Variants in PDIA5 observed in about 807,000 individuals in gnomAD.
PDIA5 encodes protein disulfide isomerase family A member 5, also known as protein disulfide-isomerase A5.
PDIA5 carries 58 observed loss-of-function variants against 77.6 expected under a neutral mutation model. The ratio of observed to expected loss-of-function variants is 0.75; its 90% confidence interval spans 0.61 to 0.93. The LOEUF is 0.93. PDIA5 is among the 40% of genes least tolerant of loss of function. PDIA5 has a pLI of 0.00. For missense variants in PDIA5, 630 were observed against 647.7 expected, an observed-to-expected ratio of 0.97 and a Z score of 0.30; for synonymous variants, 250 against 252.1, an observed-to-expected ratio of 0.99 and a Z score of 0.08.
In PDIA5 at chr3:123,152,360, C is replaced by T. The variant is rs1935934161; in HGVS notation, c.1273+1996C>T. Among the ~76,000 whole-genome samples the T allele has an allele frequency of 2.0e-5, 3 of 152,164 alleles. No individual in the cohort carries two copies. The South Asian group carries it at 6.2e-4, about 31-fold the overall frequency. On this transcript the variant is annotated intron_variant, in intron 14 of 16. Transcript: ENST00000316218. ...GGGCAGGGTCACTGAGTGACTCAAC[C>T]TCTGGCAGAGGGCTTGGTCCTTAGA...
At chr3:123,159,623 A>AT (rs1003367928) in intron 15 of PDIA5, among the ~76,000 whole-genome samples, 45 of 152,050 alleles carry the variant, frequency 3.0e-4, no homozygotes, top group African/African-American at 9.9e-4. Flanking sequence ...ATTCAGATTT[A>AT]TTTTTTTTGT....
chr3:123,142,942 CT>C (rs1474844412), intron 11 of PDIA5, among the ~76,000 whole-genome samples: 1 of 152,196 alleles, frequency 6.6e-6, no homozygotes, highest in Non-Finnish European at 1.5e-5. Context: ...TCTCAAGCCC[CT>C]GGTCAACCCA....
rs773165791 is a variant in PDIA5, at chr3:123,155,001, A to G, written c.1304A>G (p.His435Arg). The G allele has an allele frequency of 5.6e-6, 9 of 1,612,756 alleles. No homozygotes were observed. The East Asian group carries it at 2.0e-4, about 36-fold the overall frequency. The stretch of plus-strand genomic sequence containing the variant: ...CCACACTGTAAGAAGGTCATTCCGC[A>G]CTTTACTGCTACTGCTGATGCCTTC... The part of the protein sequence containing the change: ...WCPHCKKVIP[H>R]FTATADAFKD... The change falls in exon 15 of 17, where the codon CAC becomes CGC. Residue 435 changes from histidine (H) to arginine (R), a missense_variant. Coordinates refer to ENST00000316218, the MANE Select transcript of PDIA5 (RefSeq NM_006810.4).
At chr3:123,119,809 T>G (rs1354120695) in intron 8 of PDIA5, among the ~76,000 whole-genome samples, 1 of 152,246 alleles carries the variant, frequency 6.6e-6, no homozygotes, top group Non-Finnish European at 1.5e-5. Context: ...TCTTCATCTC[T>G]GTCATCTTTG....
intron 11 of PDIA5, among the ~76,000 whole-genome samples, chr3:123,135,836 A>G (rs573259015): frequency 1.4e-5 from 2 of 142,234 alleles, no homozygotes; most frequent in Admixed American, 1.5e-4. Context: ...TTATTTTTTA[A>G]AAGAGGATAC....
chr3:123,128,198 A>T (rs1455866154), intron 10 of PDIA5, among the ~76,000 whole-genome samples: 1 of 152,232 alleles, frequency 6.6e-6, no homozygotes, highest in Non-Finnish European at 1.5e-5. Flanking sequence ...CTCTGCTTCA[A>T]GGAGTGGGCC....
intron 3 of PDIA5, among the ~76,000 whole-genome samples, chr3:123,098,521 G>C (rs1489039518): frequency 2.0e-5 from 3 of 152,172 alleles, no homozygotes; most frequent in African/African-American, 7.2e-5. Flanking sequence ...CTGTCCCATG[G>C]CAGATTCAGA....
intron 15 of PDIA5, among the ~76,000 whole-genome samples, chr3:123,155,687 G>A (rs1312296769): frequency 2.6e-5 from 4 of 152,182 alleles, no homozygotes; most frequent in Admixed American, 6.5e-5. Context: ...CATGCCAGGC[G>A]GAGCACTGGT....
intron 11 of PDIA5, among the ~76,000 whole-genome samples, chr3:123,141,967 C>A (rs3804758): frequency 0.028 from 4,232 of 152,288 alleles, 126 homozygotes; most frequent in East Asian, 0.18. Flanking sequence ...GGCTCCTAAC[C>A]CCAGTTCTGT....
chr3:123,111,155 C>T (rs1409684574), intron 7 of PDIA5, 151 bp downstream of exon 7: 3 of 666,612 alleles, frequency 4.5e-6, no homozygotes, highest in Non-Finnish European at 8.1e-6. Context: ...GCCTCTTTTC[C>T]TTCATCTTTG....
At chr3:123,104,087 T>C (rs1025158788) in intron 5 of PDIA5, among the ~76,000 whole-genome samples, 4 of 152,158 alleles carry the variant, frequency 2.6e-5, no homozygotes, top group African/African-American at 9.7e-5. Context: ...CCACTGGGTG[T>C]CTGGGTGGGA....
intron 7 of PDIA5, among the ~76,000 whole-genome samples, chr3:123,115,308 T>C (rs563794367): frequency 4.5e-4 from 68 of 152,322 alleles, no homozygotes; most frequent in African/African-American, 1.6e-3. Context: ...TGGTCTGCTC[T>C]GGTTTAAGGG....
intron 11 of PDIA5, among the ~76,000 whole-genome samples, chr3:123,135,387 T>C (rs1935474981): frequency 2.0e-5 from 3 of 152,110 alleles, no homozygotes; most frequent in Admixed American, 2.0e-4. Context: ...GACCCCCTGC[T>C]CTTCCTCTCC....
At position 123,134,709 on chromosome 3, in the gene PDIA5, A is replaced by G. The variant is rs527707704; in HGVS notation, c.910+4093A>G. On this transcript the variant is annotated intron_variant, in intron 11 of 16. Transcript: ENST00000316218. Reference sequence around the variant, plus strand: ...CAACTGATGCCTAAGTTGTCACTAAATAAATGAGCCCAGGGCAGCCACGGT... The same window carrying G: ...CAACTGATGCCTAAGTTGTCACTAAGTAAATGAGCCCAGGGCAGCCACGGT... Among the ~76,000 whole-genome samples, 24 of 152,274 alleles carry G rather than the reference A, an allele frequency of 1.6e-4. 1 individual carries two copies. The highest frequency in any genetic ancestry group is 3.4e-4 in the Non-Finnish European group (23 of 68,024).
intron 1 of PDIA5, among the ~76,000 whole-genome samples, chr3:123,088,006 G>A (rs572738564): frequency 6.6e-6 from 1 of 152,334 alleles, no homozygotes; most frequent in African/African-American, 2.4e-5. Flanking sequence ...GGGGCTGGGA[G>A]CTTGGAGGAA....
chr3:123,137,572 C>G (rs766534136), intron 11 of PDIA5, among the ~76,000 whole-genome samples: 6 of 152,102 alleles, frequency 3.9e-5, no homozygotes, highest in African/African-American at 1.4e-4. Flanking sequence ...ATGGATCAGG[C>G]GTTGTTCTAG....
chr3:123,109,743 A>T (rs902402886), intron 6 of PDIA5, among the ~76,000 whole-genome samples: 1 of 151,916 alleles, frequency 6.6e-6, no homozygotes, highest in Non-Finnish European at 1.5e-5. Context: ...GCCTGCTGAT[A>T]TTTTTGTAGT....
intron 8 of PDIA5, among the ~76,000 whole-genome samples, chr3:123,120,854 C>T (rs1048816705): frequency 2.0e-5 from 3 of 152,092 alleles, no homozygotes. Context: ...CCTCATGCAC[C>T]CTTCATCCTC....
Position 123,155,360 on chromosome 3 carries a change from T to C in PDIA5, c.1344+319T>C, listed in dbSNP as rs140779881. On this transcript the variant is annotated intron_variant, in intron 15 of 16. Transcript: ENST00000316218. ...TGTCATCATGCATTACTTATATAATTAAAAATACAAATTTAAAAATCCAAC... is the reference window on the plus strand; with the variant it reads ...TGTCATCATGCATTACTTATATAATCAAAAATACAAATTTAAAAATCCAAC... Among the ~76,000 whole-genome samples the C allele has an allele frequency of 3.5e-3, 530 of 152,286 alleles. 3 individuals carry two copies. The highest frequency in any genetic ancestry group is 5.2e-3 in the Non-Finnish European group (351 of 68,024).
Sources: gnomAD v4.1 joint callset for allele counts (sites outside exome capture counted in the v4.1 genomes callset) on GRCh38, gnomAD v4.1.1 for gene constraint, MANE v1.5 for transcripts, NCBI Gene and HGNC (gene_info 2026-07-23, HGNC 2026-07-21) for gene names.